The following SAMD9L variants were observed in gnomAD, a reference collection of about 807,000 sequenced individuals.
SAMD9L encodes the protein sterile alpha motif domain containing 9 like, also known as sterile alpha motif domain-containing protein 9-like.
Under a neutral mutation model 90.7 loss-of-function variants are expected in SAMD9L, and 68 were observed. The observed-to-expected ratio is 0.75, with a 90% CI of 0.62 to 0.92. SAMD9L has a LOEUF of 0.92. Ranked by LOEUF, SAMD9L falls within the 40% of genes least tolerant of loss-of-function variation. The probability of loss-of-function intolerance (pLI) is 0.00; values close to 1 mark genes in which losing one functional copy is unlikely to be tolerated. For missense variants in SAMD9L, 1,604 were observed against 1,824.3 expected, an observed-to-expected ratio of 0.88 and a Z score of 2.20; for synonymous variants, 640 against 630.1, an observed-to-expected ratio of 1.02 and a Z score of -0.23.
Position 93,134,534 on chromosome 7 carries a change from T to C in SAMD9L, c.1438A>G (p.Met480Val), listed in dbSNP as rs1397726535. The C allele has an allele frequency of 6.2e-7, 1 of 1,613,850 alleles. No individual in the cohort carries two copies. Among genetic ancestry groups the C allele is most frequent in the African/African-American group, 1.3e-5 (1 of 74,910 alleles). Residue 480 changes from methionine (M) to valine (V), a missense_variant, in exon 5 of 5, where the codon ATG (methionine) becomes GTG (valine). Coordinates refer to ENST00000318238, the MANE Select transcript of SAMD9L (RefSeq NM_152703.5). ...PNQYEDKTTN[M>V]WEKISTLNLY... ...TTAAGAGTAGAAATCTTCTCCCACA[T>C]GTTAGTTGTCTTGTCTTCATATTGA...
chr7:93,133,111 G>C lies in SAMD9L; in HGVS notation c.2861C>G (p.Pro954Arg). The change falls in exon 5 of 5, where the codon CCC becomes CGC. Residue 954 changes from proline to arginine, a missense_variant. This residue lies in a region of SAMD9L where 606 missense variants were observed against 717.6 expected (regional missense o/e 0.84). Transcript: ENST00000318238. ...GTCTTCTAAGCTTTCAGGTTCCCAG[G>C]GTGTACTAGTGTATATGATTCCCAA... is the stretch of plus-strand genomic sequence containing the variant. ...IFLGIIYTST[P>R]WEPESLEDKM... 3 of 1,612,518 alleles carry C rather than the reference G, an allele frequency of 1.9e-6. No homozygotes were observed. Among genetic ancestry groups the C allele is most frequent in the Non-Finnish European group, 2.5e-6 (3 of 1,178,936 alleles).
In SAMD9L at chr7:93,132,544, C is replaced by T; in HGVS notation, c.3428G>A (p.Ser1143Asn). The change falls in exon 5 of 5, where the codon AGC becomes AAC. Residue 1143 changes from serine to asparagine, a missense_variant. Ser to Asn is a conservative substitution (Grantham distance 46). Around this residue, in one of 7 missense-constraint regions of SAMD9L, gnomAD observed 302 missense variants for 314.7 expected, o/e 0.96. Transcript: ENST00000318238. ...ATGTGTTAGGTCATTAACAGTAATG[C>T]TCCTACAGTTTTTGTTCCCATCCAA... Reference protein sequence around the residue: ...WWLDGNKNCRSITVNDLTHLL... With the variant: ...WWLDGNKNCRNITVNDLTHLL... The T allele has an allele frequency of 6.2e-7, 1 of 1,613,854 alleles. No homozygotes were observed.
intron 4 of SAMD9L, among the ~76,000 whole-genome samples, chr7:93,139,391 A>G (rs1332737794): frequency 2.0e-5 from 3 of 152,180 alleles, no homozygotes; most frequent in Non-Finnish European, 4.4e-5. Context: ...ATTGTTGTAG[A>G]TGTAATTAGT....
Position 93,135,464 on chromosome 7 carries a change from G to A in SAMD9L, c.508C>T (p.Gln170Ter). Residue 170 changes from glutamine to a stop codon, truncating the protein, a stop_gained, in exon 5 of 5, where the codon CAG (glutamine) becomes TAG (stop). Transcript: ENST00000318238. LOFTEE classifies it low-confidence loss of function (END_TRUNC). ...ATGTAGCGATGGCTGTCATGGAACT[G>A]ATCAAAAGGATATGGCATACAAGTC... ...QLTCMPYPFD[Q>*]FHDSHRYIEH... The A allele has an allele frequency of 6.2e-7, 1 of 1,614,154 alleles. No individual in the cohort carries two copies. The highest frequency in any genetic ancestry group is 8.5e-7 in the Non-Finnish European group (1 of 1,179,994).
In SAMD9L at chr7:93,132,150, A is replaced by C; in HGVS notation, c.3822T>G (p.Tyr1274Ter). 6.2e-7 allele frequency: 1 copy of C among 1,613,160 alleles called. No homozygotes were observed. Among genetic ancestry groups the C allele is most frequent in the East Asian group, 2.2e-5 (1 of 44,860 alleles). ...LKRCFDFFID[Y>*]MVLLKMRYTQ... ...TATACCTCATTTTCAGAAGAACCAT[A>C]TAATCAATAAAAAAGTCAAAGCACC... The change falls in exon 5 of 5, where the codon TAT (tyrosine) becomes TAG (stop). Residue 1274 changes from tyrosine to a stop codon, truncating the protein, a stop_gained. Coordinates refer to ENST00000318238, the MANE Select transcript of SAMD9L (RefSeq NM_152703.5). LOFTEE classifies it high-confidence loss of function.
rs376035879 is a variant in SAMD9L, at chr7:93,146,973, C to T, written c.-869G>A. On this transcript the variant is annotated 5_prime_UTR_variant, in exon 2 of 5. Coordinates refer to ENST00000318238, the MANE Select transcript of SAMD9L (RefSeq NM_152703.5). ...AGGAGGTCCCTTTTGACTCTAGGTCCCCAGTGTCTTAAGACCTTTGCTGTT... is the reference window on the plus strand; with the variant it reads ...AGGAGGTCCCTTTTGACTCTAGGTCTCCAGTGTCTTAAGACCTTTGCTGTT... The T allele has an allele frequency of 3.1e-4, 47 of 152,306 alleles. No individual in the cohort carries two copies. The highest frequency in any genetic ancestry group is 1.1e-3 in the African/African-American group (46 of 41,566). The allele number at this position is 152,306 out of a possible 1,614,324, so 9.4% of individuals were successfully genotyped here.
chr7:93,145,008 G>T (rs1792836827), intron 3 of SAMD9L, among the ~76,000 whole-genome samples, 175 bp from the exon 4 acceptor site: 1 of 152,184 alleles, frequency 6.6e-6, no homozygotes, highest in South Asian at 2.1e-4. Context: ...GACAGAGTAT[G>T]GCATAGCTGC....
At position 93,133,406 on chromosome 7, in the gene SAMD9L, C is replaced by A; in HGVS notation, c.2566G>T (p.Ala856Ser). 6.2e-7 allele frequency: 1 copy of A among 1,613,636 alleles called. No homozygotes were observed. Among genetic ancestry groups the A allele is most frequent in the Non-Finnish European group, 8.5e-7 (1 of 1,179,638 alleles). The change falls in exon 5 of 5, where the codon GCA becomes TCA. Residue 856 changes from alanine to serine, a missense_variant. Around this residue, in one of 7 missense-constraint regions of SAMD9L, gnomAD observed 606 missense variants for 717.6 expected, o/e 0.84. Coordinates refer to ENST00000318238, the MANE Select transcript of SAMD9L (RefSeq NM_152703.5). ...TTGGAAGAAAGTTGGTAATTTAGTG[C>A]AATACTGTCTGCCAATTTTGCACTT... is the stretch of plus-strand genomic sequence containing the variant. Reference protein sequence around the residue: ...DESAKLADSIALNYQLSSKEQ... With the variant: ...DESAKLADSISLNYQLSSKEQ...
Position 93,133,478 on chromosome 7 carries a change from T to G in SAMD9L, c.2494A>C (p.Thr832Pro). 6.2e-7 allele frequency: 1 copy of G among 1,612,274 alleles called. No individual in the cohort carries two copies. Among genetic ancestry groups the G allele is most frequent in the South Asian group, 1.1e-5 (1 of 90,676 alleles). ...ATGCAGTTTAAGATAATTACCAATG[T>G]TTTTTCATATCGCAAATCCTTTTCT... ...LAEKDLRYEK[T>P]LVIILNCMRS... The change falls in exon 5 of 5, where the codon ACA becomes CCA. Residue 832 changes from threonine to proline, a missense_variant. This residue lies in a region of SAMD9L where 606 missense variants were observed against 717.6 expected (regional missense o/e 0.84). Coordinates refer to ENST00000318238, the MANE Select transcript of SAMD9L (RefSeq NM_152703.5).
chr7:93,130,590 G>A lies in SAMD9L; in HGVS notation c.*627C>T, dbSNP rs1332045914. 1 of 151,890 alleles carries A rather than the reference G, an allele frequency of 6.6e-6. No individual in the cohort carries two copies. Among genetic ancestry groups the A allele is most frequent in the Non-Finnish European group, 1.5e-5 (1 of 68,038 alleles). The allele number at this position is 151,890 out of a possible 1,614,324, so 9.4% of individuals were successfully genotyped here. ...GAGAATGGAGAGAGTTCAAGTTTAT[G>A]ATTACTTTATTTTTTGAACTCTTCT... is the stretch of plus-strand genomic sequence containing the variant. On this transcript the variant is annotated 3_prime_UTR_variant, in exon 5 of 5. Coordinates refer to ENST00000318238, the MANE Select transcript of SAMD9L (RefSeq NM_152703.5).
At chr7:93,139,051 AT>A (rs908963735) in intron 4 of SAMD9L, among the ~76,000 whole-genome samples, 6 of 152,128 alleles carry the variant, frequency 3.9e-5, no homozygotes, top group African/African-American at 1.4e-4. Flanking sequence ...CTTTTTATAT[AT>A]TTTATACAGT....
At position 93,131,697 on chromosome 7, in the gene SAMD9L, A is replaced by C; in HGVS notation, c.4275T>G (p.Gly1425=). 6.2e-7 allele frequency: 1 copy of C among 1,613,888 alleles called. No homozygotes were observed. Among genetic ancestry groups the C allele is most frequent in the Non-Finnish European group, 8.5e-7 (1 of 1,179,872 alleles). The change falls in exon 5 of 5, where the codon GGT becomes GGG. Residue 1425 remains glycine, a synonymous_variant. Coordinates refer to ENST00000318238, the MANE Select transcript of SAMD9L (RefSeq NM_152703.5). ...QFVGLSHQYP[G]PYFLACLLFW... ...ACAGGAGGCAGGCCAAGAAATAAGGACCTGGATATTGATGACTTAGTCCTA... is the reference window on the plus strand; with the variant it reads ...ACAGGAGGCAGGCCAAGAAATAAGGCCCTGGATATTGATGACTTAGTCCTA...
Position 93,134,529 on chromosome 7 carries a change from C to G in SAMD9L, c.1443G>C (p.Trp481Cys). 1 of 1,613,884 alleles carries G rather than the reference C, an allele frequency of 6.2e-7. No homozygotes were observed. The highest frequency in any genetic ancestry group is 8.5e-7 in the Non-Finnish European group (1 of 1,179,872). ...AAAGATTAAGAGTAGAAATCTTCTC[C>G]CACATGTTAGTTGTCTTGTCTTCAT... ...NQYEDKTTNM[W>C]EKISTLNLYQ... Residue 481 changes from tryptophan (W) to cysteine (C), a missense_variant, in exon 5 of 5, where the codon TGG becomes TGC. By Grantham distance (215) the Trp-to-Cys change is radical (BLOSUM62 -2). Around this residue, in one of 7 missense-constraint regions of SAMD9L, gnomAD observed 606 missense variants for 717.6 expected, o/e 0.84. Transcript: ENST00000318238.
Position 93,134,331 on chromosome 7 carries a change from A to C in SAMD9L, c.1641T>G (p.Phe547Leu). 2 of 1,611,108 alleles carry C rather than the reference A, an allele frequency of 1.2e-6. No homozygotes were observed. Among genetic ancestry groups the C allele is most frequent in the Non-Finnish European group, 1.7e-6 (2 of 1,179,168 alleles). The part of the protein sequence containing the change: ...IMTRGKFLVV[F>L]LLLSSVESPG... The stretch of plus-strand genomic sequence containing the variant: ...GGCTTTCCACTGAAGAGAGTAATAG[A>C]AACACTACCAAAAATTTTCCTCTTG... Residue 547 changes from phenylalanine (F) to leucine (L), a missense_variant, in exon 5 of 5, where the codon TTT becomes TTG. This residue lies in a region of SAMD9L where 606 missense variants were observed against 717.6 expected (regional missense o/e 0.84). Transcript: ENST00000318238.
rs754852647 is a variant in SAMD9L, at chr7:93,133,811, A to C, written c.2161T>G (p.Leu721Val). Residue 721 changes from leucine (L) to valine (V), a missense_variant, in exon 5 of 5, where the codon TTA becomes GTA. Coordinates refer to ENST00000318238, the MANE Select transcript of SAMD9L (RefSeq NM_152703.5). ...KRDSYEKLKD[L>V]IHCWAESPKP... Reference sequence around the variant, plus strand: ...GGAGACTCTGCCCAGCAGTGTATTAAATCTTTAAGCTTTTCATAACTGTCC... The same window carrying C: ...GGAGACTCTGCCCAGCAGTGTATTACATCTTTAAGCTTTTCATAACTGTCC... The C allele has an allele frequency of 3.7e-6, 6 of 1,613,528 alleles. No homozygotes were observed. The East Asian group carries it at 8.9e-5, about 24-fold the overall frequency.
chr7:93,133,716 C>A lies in SAMD9L; in HGVS notation c.2256G>T (p.Met752Ile), dbSNP rs182594567. The A allele has an allele frequency of 6.2e-7, 1 of 1,613,668 alleles. No individual in the cohort carries two copies. Among genetic ancestry groups the A allele is most frequent in the Non-Finnish European group, 8.5e-7 (1 of 1,179,860 alleles). Residue 752 changes from methionine (M) to isoleucine (I), a missense_variant, in exon 5 of 5, where the codon ATG becomes ATT. By Grantham distance (10) the Met-to-Ile change is conservative. Coordinates refer to ENST00000318238, the MANE Select transcript of SAMD9L (RefSeq NM_152703.5). ...HPGCGGTTLA[M>I]HVLWDLKKNF... ...TTTTCTTTAAGTCCCAGAGAACATG[C>A]ATAGCCAGTGTGGTACCTCCACAGC...
chr7:93,131,812 T>C lies in SAMD9L; in HGVS notation c.4160A>G (p.Asn1387Ser), dbSNP rs1473313115. Reference sequence around the variant, plus strand: ...GGGCTTTAGACAACTCAGAATAATGTTGGCCAAAATGGAATTTTGTTTCTC... The same window carrying C: ...GGGCTTTAGACAACTCAGAATAATGCTGGCCAAAATGGAATTTTGTTTCTC... ...TNEKQNSILA[N>S]IILSCLKPNS... The change falls in exon 5 of 5, where the codon AAC (asparagine) becomes AGC (serine). Residue 1387 changes from asparagine to serine, a missense_variant. Asn to Ser is a conservative substitution (Grantham distance 46). This residue lies in a region of SAMD9L where 282 missense variants were observed against 329.6 expected (regional missense o/e 0.86). Transcript: ENST00000318238. 4 of 1,613,380 alleles carry C rather than the reference T, an allele frequency of 2.5e-6. No homozygotes were observed. Among genetic ancestry groups the C allele is most frequent in the Non-Finnish European group, 2.5e-6 (3 of 1,179,864 alleles).
chr7:93,133,164 T>G lies in SAMD9L; in HGVS notation c.2808A>C (p.Thr936=). The G allele has an allele frequency of 6.2e-7, 1 of 1,613,530 alleles. No homozygotes were observed. The highest frequency in any genetic ancestry group is 8.5e-7 in the Non-Finnish European group (1 of 1,179,730). Residue 936 remains threonine, a synonymous_variant, in exon 5 of 5, where the codon ACA becomes ACC. Coordinates refer to ENST00000318238, the MANE Select transcript of SAMD9L (RefSeq NM_152703.5). ...ALLSSYVTDS[T]ISVSQCEIFL... ...ATATTTCACACTGTGAAACTGAAATTGTAGAGTCAGTAACATAAGAGCTGA... is the reference window on the plus strand; with the variant it reads ...ATATTTCACACTGTGAAACTGAAATGGTAGAGTCAGTAACATAAGAGCTGA...
rs1399377978 is a variant in SAMD9L, at chr7:93,135,299, C to A, written c.673G>T (p.Ala225Ser). 8 of 1,614,004 alleles carry A rather than the reference C, an allele frequency of 5.0e-6. No individual in the cohort carries two copies. Among genetic ancestry groups the A allele is most frequent in the Non-Finnish European group, 6.8e-6 (8 of 1,180,012 alleles). The change falls in exon 5 of 5, where the codon GCA (alanine) becomes TCA (serine). Residue 225 changes from alanine (A) to serine (S), a missense_variant. Transcript: ENST00000318238. The stretch of plus-strand genomic sequence containing the variant: ...GTGCGTGAATTCATACAAGCTGATG[C>A]AAATCGGAAGACTTCATTGCTGAAT... The part of the protein sequence containing the change: ...MKFSNEVFRF[A>S]SACMNSRTNG...
Sources: gnomAD v4.1 joint callset for allele counts (sites outside exome capture counted in the v4.1 genomes callset) on GRCh38, gnomAD v4.1.1 for gene constraint, gnomAD v4.1.1 regional missense constraint, MANE v1.5 for transcripts, NCBI Gene and HGNC (gene_info 2026-07-23, HGNC 2026-07-21) for gene names.